The following XYLT1 variants were observed in gnomAD, a reference collection of about 807,000 sequenced individuals.
XYLT1 encodes the protein beta-D-xylosyltransferase 1.
A neutral mutation model predicts 91.3 loss-of-function variants in XYLT1; 36 were observed. The ratio of observed to expected loss-of-function variants is 0.39; its 90% CI spans 0.30 to 0.52. The LOEUF is 0.52. XYLT1 is among the 20% of genes least tolerant of loss of function. The pLI, the probability that XYLT1 is intolerant of heterozygous loss-of-function variation, is 0.68. For synonymous variants in XYLT1, 588 were observed against 532.0 expected (o/e 1.11, Z -1.45); for missense variants, 1,242 against 1,284.5 (o/e 0.97, Z 0.51).
At chr16:17,430,411 T>C (rs2036377180) in intron 1 of XYLT1, among the ~76,000 whole-genome samples, 1 of 152,252 alleles carries the variant, frequency 6.6e-6, no homozygotes, top group Non-Finnish European at 1.5e-5. Context: ...ACAAAGATTC[T>C]GGTCCCAAGC....
intron 1 of XYLT1, among the ~76,000 whole-genome samples, chr16:17,459,690 T>G (rs2036789738): frequency 6.6e-6 from 1 of 152,214 alleles, no homozygotes; most frequent in Non-Finnish European, 1.5e-5. Context: ...ACAATCTGAT[T>G]TTTTGCAATG....
intron 1 of XYLT1, among the ~76,000 whole-genome samples, chr16:17,428,615 T>C (rs900379049): frequency 1.3e-5 from 2 of 152,180 alleles, no homozygotes; most frequent in African/African-American, 4.8e-5. Flanking sequence ...GCTAAAAGCA[T>C]CTCTTGTCAT....
intron 3 of XYLT1, among the ~76,000 whole-genome samples, chr16:17,224,670 G>T (rs1472571958): frequency 6.6e-6 from 1 of 152,148 alleles, no homozygotes. Flanking sequence ...AAAGGGGTAT[G>T]CCAGAGACAG....
chr16:17,243,264 C>A (rs1596444357), intron 3 of XYLT1, among the ~76,000 whole-genome samples: 1 of 152,316 alleles, frequency 6.6e-6, no homozygotes. Context: ...TTAGGGTGAC[C>A]AGATAACTTA....
chr16:17,354,441 T>C (rs1200065983), intron 2 of XYLT1, among the ~76,000 whole-genome samples: 1 of 152,110 alleles, frequency 6.6e-6, no homozygotes, highest in African/African-American at 2.4e-5. Context: ...CTGAGGACCG[T>C]TGCAATTCAC....
At chr16:17,342,551 A>G (rs1434835950) in intron 2 of XYLT1, among the ~76,000 whole-genome samples, 2 of 152,024 alleles carry the variant, frequency 1.3e-5, no homozygotes, top group African/African-American at 4.8e-5. Context: ...GTGAAACCCC[A>G]TCTCTACTAA....
intron 2 of XYLT1, among the ~76,000 whole-genome samples, chr16:17,319,546 G>A (rs1160158026): frequency 1.3e-5 from 2 of 151,848 alleles, no homozygotes; most frequent in Non-Finnish European, 2.9e-5. Flanking sequence ...GGATTCAAGC[G>A]ATTCTCATGA....
At chr16:17,300,452 CTTTTTTTTTTTT>C (rs67480834) in intron 2 of XYLT1, among the ~76,000 whole-genome samples, 1 of 64,842 alleles carries the variant, frequency 1.5e-5, no homozygotes, top group African/African-American at 6.2e-5. Flanking sequence ...TTCATTCTTT[CTTTTTTTTTTTT>C]TTTTTTTTTT....
chr16:17,276,121 C>A (rs2033969974), intron 2 of XYLT1, among the ~76,000 whole-genome samples: 1 of 152,148 alleles, frequency 6.6e-6, no homozygotes, highest in Admixed American at 6.5e-5. Flanking sequence ...CTGAGCTTCC[C>A]CAGAAGCTGC....
intron 3 of XYLT1, among the ~76,000 whole-genome samples, chr16:17,245,018 G>C (rs1294107473): frequency 6.6e-6 from 1 of 151,504 alleles, no homozygotes; most frequent in Non-Finnish European, 1.5e-5. Flanking sequence ...TGAATCTCTT[G>C]TCACAAAACC....
chr16:17,346,453 A>G (rs1244575630), intron 2 of XYLT1, among the ~76,000 whole-genome samples: 1 of 152,208 alleles, frequency 6.6e-6, no homozygotes, highest in Non-Finnish European at 1.5e-5. Flanking sequence ...GCAAAGGGGC[A>G]GCTGGTGGTC....
At chr16:17,266,454 C>A (rs1431409949) in intron 2 of XYLT1, among the ~76,000 whole-genome samples, 3 of 152,186 alleles carry the variant, frequency 2.0e-5, no homozygotes, top group African/African-American at 7.2e-5. Flanking sequence ...ATATTTTCTA[C>A]CCATTTTTCA....
intron 2 of XYLT1, among the ~76,000 whole-genome samples, chr16:17,291,636 C>A (rs188053185): frequency 6.6e-6 from 1 of 152,296 alleles, no homozygotes; most frequent in African/African-American, 2.4e-5. Context: ...AAATACGGTG[C>A]TGAGGACCTC....
chr16:17,278,875 C>A (rs1224961603), intron 2 of XYLT1, among the ~76,000 whole-genome samples: 1 of 152,204 alleles, frequency 6.6e-6, no homozygotes, highest in Non-Finnish European at 1.5e-5. Flanking sequence ...CATCTATGCA[C>A]AGGGAAGATC....
At chr16:17,382,796 G>A (rs577836557) in intron 1 of XYLT1, among the ~76,000 whole-genome samples, 4 of 151,966 alleles carry the variant, frequency 2.6e-5, no homozygotes, top group East Asian at 4.0e-4. Context: ...TATCCCAGAC[G>A]TCTCGTGCAA....
intron 1 of XYLT1, among the ~76,000 whole-genome samples, chr16:17,382,684 G>A (rs1004431356): frequency 1.3e-5 from 2 of 151,750 alleles, no homozygotes; most frequent in African/African-American, 2.4e-5. Context: ...CCTTATCTAC[G>A]TTTGAGTCAA....
intron 2 of XYLT1, among the ~76,000 whole-genome samples, chr16:17,285,631 G>C (rs950414330): frequency 4.6e-5 from 7 of 152,212 alleles, no homozygotes; most frequent in African/African-American, 1.7e-4. Flanking sequence ...TTTCAGCCAG[G>C]AATGCCAGGC....
chr16:17,212,785 C>A (rs1326197001), intron 3 of XYLT1, among the ~76,000 whole-genome samples: 1 of 152,148 alleles, frequency 6.6e-6, no homozygotes, highest in Non-Finnish European at 1.5e-5. Flanking sequence ...TAAATGGAAA[C>A]TGGTGGGATA....
Position 17,470,841 on chromosome 16 carries a change from C to A in XYLT1, c.-45G>T. 2 of 843,346 alleles carry A rather than the reference C, an allele frequency of 2.4e-6. No individual in the cohort carries two copies. Among genetic ancestry groups the A allele is most frequent in the Non-Finnish European group, 2.6e-6 (2 of 767,182 alleles). The allele number at this position is 843,346 out of a possible 1,614,324, so 52.2% of individuals were successfully genotyped here. A position where few individuals can be genotyped will look rare whatever the true frequency, so the allele number is the denominator to read the frequency against. ...AGCGAGGCGCGGGGACCCCGGCACG[C>A]TCCGGGCCGCCCCCGCGCTCCCCGC... On this transcript the variant is annotated 5_prime_UTR_variant, in exon 1 of 12. Coordinates refer to ENST00000261381, the MANE Select transcript of XYLT1 (RefSeq NM_022166.4).
Sources: gnomAD v4.1 joint callset for allele counts (sites outside exome capture counted in the v4.1 genomes callset) on GRCh38, gnomAD v4.1.1 for gene constraint, MANE v1.5 for transcripts, NCBI Gene and HGNC (gene_info 2026-07-23, HGNC 2026-07-21) for gene names.